CTIF: variants seen among roughly 807,000 people sequenced by gnomAD.
CTIF encodes the protein cap binding complex dependent translation initiation factor, also known as CBP80/20-dependent translation initiation factor.
In CTIF, 21 loss-of-function variants were observed where a neutral mutation model predicts 66.0. The observed-to-expected ratio is 0.32, with a 90% CI of 0.23 to 0.46. The LOEUF (loss-of-function observed/expected upper bound fraction) is 0.46. Among genes scored for constraint, CTIF ranks in the 20% least tolerant of loss-of-function variants. The pLI, the probability that CTIF is intolerant of heterozygous loss-of-function variation, is 1.00. For synonymous variants in CTIF, 345 were observed against 326.4 expected (o/e 1.06, Z -0.62); for missense variants, 739 against 812.7 (o/e 0.91, Z 1.10).
chr18:48,636,538 C>T, intron 2 of CTIF, 76 bp from the exon 3 acceptor site: 4 of 1,129,974 alleles, frequency 3.5e-6, no homozygotes, highest in Non-Finnish European at 4.7e-6. Flanking sequence ...GGCCAGGGCA[C>T]AACTCCTGCA....
rs752873716 is a variant in CTIF at position 48,585,189 on chromosome 18, G to A, written c.-28-34349G>A. Among the ~76,000 whole-genome samples the A allele has an allele frequency of 1.9e-4, 29 of 152,242 alleles. 1 individual carries two copies. Among genetic ancestry groups the A allele is most frequent in the Admixed American group, 3.9e-4 (6 of 15,290 alleles). On this transcript the variant is annotated intron_variant, in intron 1 of 11. Transcript: ENST00000256413. Reference sequence around the variant, plus strand: ...ATGTGCCAGGGCAGACCAAGCTGCCGGGTAAAAGTGCTGCATCTTCTTGGG... The same window carrying A: ...ATGTGCCAGGGCAGACCAAGCTGCCAGGTAAAAGTGCTGCATCTTCTTGGG...
intron 2 of CTIF, among the ~76,000 whole-genome samples, chr18:48,635,795 T>C (rs1280127524): frequency 5.3e-5 from 8 of 152,192 alleles, no homozygotes; most frequent in Non-Finnish European, 2.9e-5. Flanking sequence ...ACAGTGTTTT[T>C]ATAGCTCACA....
chr18:48,643,109 CTCT>C (rs1263717053), intron 3 of CTIF, among the ~76,000 whole-genome samples: 11 of 152,182 alleles, frequency 7.2e-5, no homozygotes, highest in Admixed American at 7.2e-4. Context: ...TTTTCTTTCC[CTCT>C]TCTTCTTCAC....
At chr18:48,614,393 G>A (rs149519902) in intron 1 of CTIF, among the ~76,000 whole-genome samples, 7 of 152,290 alleles carry the variant, frequency 4.6e-5, no homozygotes, top group East Asian at 3.9e-4. Context: ...CAGAGGGATC[G>A]TTGTACACTC....
intron 6 of CTIF, among the ~76,000 whole-genome samples, chr18:48,708,431 G>A (rs931001783): frequency 6.6e-6 from 1 of 152,222 alleles, no homozygotes. Flanking sequence ...ATTTTGAGGG[G>A]TTCTCAATGG....
chr18:48,781,788 C>T (rs1373079725), intron 9 of CTIF, among the ~76,000 whole-genome samples: 1 of 152,076 alleles, frequency 6.6e-6, no homozygotes, highest in Non-Finnish European at 1.5e-5. Context: ...GGGTTTCGGT[C>T]TGGATTGTAC....
At chr18:48,700,662 G>A (rs2092072559) in intron 6 of CTIF, among the ~76,000 whole-genome samples, 1 of 152,204 alleles carries the variant, frequency 6.6e-6, no homozygotes, top group Non-Finnish European at 1.5e-5. Flanking sequence ...CTCAAGCGTG[G>A]GCCGTGCCTC....
At chr18:48,700,190 T>A (rs1255318131) in intron 6 of CTIF, among the ~76,000 whole-genome samples, 1 of 152,236 alleles carries the variant, frequency 6.6e-6, no homozygotes, top group Non-Finnish European at 1.5e-5. Flanking sequence ...GTGATGGTTT[T>A]ATAAAGGGGA....
At chr18:48,650,639 C>T (rs1210980163) in intron 3 of CTIF, among the ~76,000 whole-genome samples, 1 of 152,254 alleles carries the variant, frequency 6.6e-6, no homozygotes, top group East Asian at 1.9e-4. Flanking sequence ...TAAAGATACT[C>T]CTTGAGAAGA....
intron 8 of CTIF, among the ~76,000 whole-genome samples, chr18:48,758,828 G>A (rs1908676029): frequency 6.6e-6 from 1 of 152,196 alleles, no homozygotes; most frequent in Non-Finnish European, 1.5e-5. Flanking sequence ...CTACAGGTGA[G>A]TACCATCCAG....
At chr18:48,803,835 A>G (rs2068092256) in intron 9 of CTIF, among the ~76,000 whole-genome samples, 1 of 152,158 alleles carries the variant, frequency 6.6e-6, no homozygotes, top group African/African-American at 2.4e-5. Flanking sequence ...GGTGCTGCTG[A>G]CCGCCATCTT....
chr18:48,746,669 A>G (rs564900635), intron 7 of CTIF, among the ~76,000 whole-genome samples: 1 of 151,528 alleles, frequency 6.6e-6, no homozygotes, highest in East Asian at 2.0e-4. Flanking sequence ...GAGAGGCCTC[A>G]GTGTGGCATG....
At chr18:48,593,375 C>CT (rs576600188) in intron 1 of CTIF, among the ~76,000 whole-genome samples, 39 of 147,928 alleles carry the variant, frequency 2.6e-4, no homozygotes, top group African/African-American at 5.5e-4. Flanking sequence ...AACTAGAAAT[C>CT]TTTTTTTTTT....
At chr18:48,754,493 G>A (rs1327180993) in intron 7 of CTIF, among the ~76,000 whole-genome samples, 3 of 152,236 alleles carry the variant, frequency 2.0e-5, no homozygotes, top group Non-Finnish European at 4.4e-5. Context: ...AAGGAAAAGG[G>A]AGGACAGAGG....
chr18:48,562,699 T>C (rs1236186980), intron 1 of CTIF, among the ~76,000 whole-genome samples: 1 of 152,220 alleles, frequency 6.6e-6, no homozygotes, highest in Non-Finnish European at 1.5e-5. Context: ...CACTGTTCTC[T>C]GGGACTGAGG....
At chr18:48,596,448 A>T (rs1424611285) in intron 1 of CTIF, among the ~76,000 whole-genome samples, 1 of 151,848 alleles carries the variant, frequency 6.6e-6, no homozygotes, top group Admixed American at 6.6e-5. Context: ...CAATGGAATC[A>T]GTCCCTTTTC....
intron 10 of CTIF, among the ~76,000 whole-genome samples, chr18:48,841,246 C>A (rs901064692): frequency 6.6e-6 from 1 of 152,206 alleles, no homozygotes; most frequent in African/African-American, 2.4e-5. Flanking sequence ...TAATCTTGTG[C>A]CCAGTTGGTG....
intron 3 of CTIF, among the ~76,000 whole-genome samples, chr18:48,640,815 C>A (rs2090914019): frequency 6.6e-6 from 1 of 152,204 alleles, no homozygotes; most frequent in African/African-American, 2.4e-5. Flanking sequence ...AGGCTTCCAG[C>A]CTCATCCTGT....
chr18:48,757,613 C>T (rs1301200752), intron 7 of CTIF, among the ~76,000 whole-genome samples: 1 of 152,212 alleles, frequency 6.6e-6, no homozygotes, highest in Non-Finnish European at 1.5e-5. Context: ...TTATCTGCTA[C>T]TGGATCTTTT....
Sources: allele counts gnomAD v4.1 joint callset (sites outside exome capture counted in the v4.1 genomes callset), GRCh38; gene constraint gnomAD v4.1.1; transcripts MANE v1.5; gene names NCBI Gene and HGNC (gene_info 2026-07-23, HGNC 2026-07-21).